FILIP1: variants seen among roughly 807,000 people sequenced by gnomAD.
The protein encoded by FILIP1 is filamin A interacting protein 1.
A neutral mutation model predicts 102.1 loss-of-function variants in FILIP1; 61 were observed. The ratio of observed to expected loss-of-function variants is 0.60; its 90% CI spans 0.49 to 0.74. The LOEUF (loss-of-function observed/expected upper bound fraction) is 0.74, where lower values mean the gene tolerates loss of function less well. Among genes scored for constraint, FILIP1 ranks in the 30% least tolerant of loss-of-function variants. The pLI, the probability that FILIP1 is intolerant of heterozygous loss-of-function variation, is 0.00. For synonymous variants in FILIP1, 491 were observed against 526.9 expected (o/e 0.93, Z 0.93); for missense variants, 1,314 against 1,441.2 (o/e 0.91, Z 1.43).
intron 4 of FILIP1, among the ~76,000 whole-genome samples, chr6:75,329,366 G>C (rs149963779): frequency 1.4e-3 from 210 of 152,300 alleles, no homozygotes; most frequent in Non-Finnish European, 2.6e-3. Flanking sequence ...CAGAGCATCA[G>C]TTGTCTCTTT....
At chr6:75,379,868 C>A (rs1476083774) in intron 2 of FILIP1, among the ~76,000 whole-genome samples, 1 of 152,152 alleles carries the variant, frequency 6.6e-6, no homozygotes, top group Admixed American at 6.5e-5. Context: ...TATCCTAGGG[C>A]TTTTCTTGTC....
chr6:75,330,973 A>T (rs933483919), intron 4 of FILIP1, among the ~76,000 whole-genome samples: 29 of 152,188 alleles, frequency 1.9e-4, no homozygotes, highest in Admixed American at 5.9e-4. Context: ...AAACCCATAG[A>T]TGGCAAGAAC....
At chr6:75,381,486 C>A (rs866712490) in intron 2 of FILIP1, among the ~76,000 whole-genome samples, 11 of 152,192 alleles carry the variant, frequency 7.2e-5, no homozygotes, top group African/African-American at 2.6e-4. Flanking sequence ...CCTTGGCCTC[C>A]CAAAGTGCTG....
At chr6:75,478,959 T>C (rs1779566196) in intron 1 of FILIP1, among the ~76,000 whole-genome samples, 1 of 152,186 alleles carries the variant, frequency 6.6e-6, no homozygotes, top group African/African-American at 2.4e-5. Flanking sequence ...CTCACCCTCA[T>C]GATCTAGTCA....
intron 1 of FILIP1, among the ~76,000 whole-genome samples, chr6:75,442,835 C>A (rs1459162316): frequency 2.6e-5 from 4 of 152,192 alleles, no homozygotes; most frequent in African/African-American, 7.2e-5. Context: ...CATGCAGGAT[C>A]CCCAGTCAGT....
chr6:75,485,833 GTTTTA>G (rs1779768138), intron 1 of FILIP1, among the ~76,000 whole-genome samples: 2 of 151,970 alleles, frequency 1.3e-5, no homozygotes, highest in African/African-American at 4.8e-5. Context: ...CAAGCTCTCT[GTTTTA>G]TTTTATTTTT....
At chr6:75,409,668 A>G (rs1332841909) in intron 2 of FILIP1, among the ~76,000 whole-genome samples, 1 of 152,182 alleles carries the variant, frequency 6.6e-6, no homozygotes, top group Admixed American at 6.5e-5. Flanking sequence ...CTTACTGCTC[A>G]GGAACCATGT....
At chr6:75,376,240 A>T (rs1228388192) in intron 2 of FILIP1, among the ~76,000 whole-genome samples, 1 of 152,154 alleles carries the variant, frequency 6.6e-6, no homozygotes, top group African/African-American at 2.4e-5. Flanking sequence ...CCTACTCAAG[A>T]GATGCAATGT....
At chr6:75,349,595 A>G (rs1251229517) in intron 4 of FILIP1, among the ~76,000 whole-genome samples, 1 of 152,212 alleles carries the variant, frequency 6.6e-6, no homozygotes, top group East Asian at 1.9e-4. Flanking sequence ...AGGGGAAGGG[A>G]GTGCAAAACA....
At chr6:75,441,874 C>T (rs1322783766) in intron 1 of FILIP1, among the ~76,000 whole-genome samples, 3 of 141,534 alleles carry the variant, frequency 2.1e-5, no homozygotes, top group Non-Finnish European at 3.1e-5. Context: ...GGCAGCTGGC[C>T]GGGCGGGGGG....
chr6:75,313,655 G>C lies in FILIP1; in HGVS notation c.2177C>G (p.Ala726Gly). The C allele has an allele frequency of 6.3e-7, 1 of 1,581,616 alleles. No homozygotes were observed. Among genetic ancestry groups the C allele is most frequent in the African/African-American group, 1.4e-5 (1 of 73,328 alleles). ...TAATTCGTGAATCTTCTCTTTAAGA[G>C]CTTGTACTTCGGCTTTTAAGTCTCG... ...KSRDLKAEVQALKEKIHELMN... is the reference protein window; with the variant it reads ...KSRDLKAEVQGLKEKIHELMN... Residue 726 changes from alanine to glycine, a missense_variant, in exon 5 of 6, where the codon GCT becomes GGT. By Grantham distance (60) the Ala-to-Gly change is moderately conservative. This residue lies in a region of FILIP1 where 816 missense variants were observed against 913.1 expected (regional missense o/e 0.89). Transcript: ENST00000237172. This position sits in a 1 kb window ranked among gnomAD's most constrained non-coding sequence, Gnocchi z 4.2.
At chr6:75,430,895 A>G (rs896918928) in intron 1 of FILIP1, among the ~76,000 whole-genome samples, 1 of 152,240 alleles carries the variant, frequency 6.6e-6, no homozygotes, top group Admixed American at 6.5e-5. Context: ...GCCAAGGCAA[A>G]AGCACAAAAA....
At chr6:75,380,329 A>AT (rs200749172) in intron 2 of FILIP1, among the ~76,000 whole-genome samples, 8,088 of 152,220 alleles carry the variant, frequency 0.053, 291 homozygotes, top group Non-Finnish European at 0.076. Flanking sequence ...AAATGCCTGA[A>AT]AGGTATAAAT....
chr6:75,322,502 A>T (rs1174075373), intron 4 of FILIP1, among the ~76,000 whole-genome samples: 1 of 152,222 alleles, frequency 6.6e-6, no homozygotes, highest in Non-Finnish European at 1.5e-5. Context: ...GATTCCCATC[A>T]GCAGTCACAG....
chr6:75,404,148 G>A (rs553069136), intron 2 of FILIP1, among the ~76,000 whole-genome samples: 3 of 152,186 alleles, frequency 2.0e-5, no homozygotes, highest in South Asian at 4.2e-4. Flanking sequence ...GAGGTGGGGG[G>A]ATCACTTGAG....
At chr6:75,415,055 TTA>T in intron 1 of FILIP1, 77 bp from the exon 2 acceptor site, 2 of 1,342,666 alleles carry the variant, frequency 1.5e-6, no homozygotes, top group Non-Finnish European at 2.1e-6. Flanking sequence ...ACTTAGAAAC[TTA>T]TAGCAGCTTT....
chr6:75,297,582 T>C, intron 6 of FILIP1, among the ~76,000 whole-genome samples: 1 of 152,128 alleles, frequency 6.6e-6, no homozygotes, highest in East Asian at 1.9e-4. Flanking sequence ...GTTTTTTTCA[T>C]TGAAAAAATA....
At chr6:75,415,983 A>G (rs549806897) in intron 1 of FILIP1, among the ~76,000 whole-genome samples, 8 of 152,264 alleles carry the variant, frequency 5.3e-5, no homozygotes, top group South Asian at 2.1e-4. Flanking sequence ...TGTGGGGTGT[A>G]TTTCAAATTT....
At chr6:75,337,111 A>G (rs1336316032) in intron 4 of FILIP1, among the ~76,000 whole-genome samples, 2 of 152,124 alleles carry the variant, frequency 1.3e-5, no homozygotes, top group East Asian at 3.8e-4. Context: ...TCTATGAATC[A>G]TATACAACCT....
Sources: gnomAD v4.1 joint callset for allele counts (sites outside exome capture counted in the v4.1 genomes callset) on GRCh38, gnomAD v4.1.1 for gene constraint, gnomAD v4.1.1 regional missense constraint, Gnocchi (gnomAD v3.1) non-coding constraint, MANE v1.5 for transcripts, NCBI Gene and HGNC (gene_info 2026-07-23, HGNC 2026-07-21) for gene names.